Variants in MEI4 observed in about 807,000 individuals in gnomAD.
MEI4 encodes the protein meiotic double-stranded break formation protein 4, also known as meiosis-specific protein MEI4.
MEI4 carries 27 observed loss-of-function variants against 31.4 expected under a neutral mutation model. That is an observed-to-expected ratio of 0.86 (90% CI 0.63 to 1.19). MEI4 has a LOEUF of 1.19. MEI4 is among the 50% of genes most tolerant of loss of function. The pLI, the probability that MEI4 is intolerant of heterozygous loss-of-function variation, is 0.00. For synonymous variants in MEI4, 122 were observed against 145.4 expected (o/e 0.84, Z 1.16); for missense variants, 329 against 398.9 (o/e 0.82, Z 1.49).
At chr6:77,903,700 G>A (rs1298081796) in intron 4 of MEI4, among the ~76,000 whole-genome samples, 1 of 152,056 alleles carries the variant, frequency 6.6e-6, no homozygotes, top group Non-Finnish European at 1.5e-5. Flanking sequence ...TTTTGTGGAG[G>A]TACATCCCTT....
intron 4 of MEI4, among the ~76,000 whole-genome samples, chr6:77,919,793 G>A (rs181740927): frequency 0.27 from 38,252 of 144,084 alleles, 5,760 homozygotes; most frequent in South Asian, 0.33. Flanking sequence ...TCAAATAGAC[G>A]CAATAAAAAA....
At chr6:77,811,035 T>C (rs544758825) in intron 3 of MEI4, among the ~76,000 whole-genome samples, 6 of 152,220 alleles carry the variant, frequency 3.9e-5, no homozygotes. Context: ...AATTGCAGTC[T>C]AATTTTCTTT....
At position 77,721,899 on chromosome 6, in the gene MEI4, A is replaced by G. The variant is rs1303766182; in HGVS notation, c.232+30996A>G. Among the ~76,000 whole-genome samples, 8 of 123,958 alleles carry G rather than the reference A, an allele frequency of 6.5e-5. 1 individual carries two copies. Among genetic ancestry groups the G allele is most frequent in the Middle Eastern group, 4.1e-3 (1 of 244 alleles). 81.3% of individuals were successfully genotyped at this position (123,958 alleles called of 152,430 possible). A position where few individuals can be genotyped will look rare whatever the true frequency, so the allele number is the denominator to read the frequency against. On this transcript the variant is annotated intron_variant, in intron 2 of 4. Transcript: ENST00000684080. ...TTAATTTATCTTTCGTTTCTGCAGCACATAAAATATCATCAATATAATGAA... is the reference window on the plus strand; with the variant it reads ...TTAATTTATCTTTCGTTTCTGCAGCGCATAAAATATCATCAATATAATGAA...
intron 4 of MEI4, among the ~76,000 whole-genome samples, chr6:77,879,738 C>G (rs1216107722): frequency 6.6e-6 from 1 of 152,104 alleles, no homozygotes; most frequent in Non-Finnish European, 1.5e-5. Flanking sequence ...GGTATCTGTA[C>G]AAGGAGAACA....
At chr6:77,873,352 A>C (rs1213055491) in intron 4 of MEI4, among the ~76,000 whole-genome samples, 1 of 152,188 alleles carries the variant, frequency 6.6e-6, no homozygotes, top group Non-Finnish European at 1.5e-5. Flanking sequence ...TCTGATGGCC[A>C]GTGATGGTGA....
At chr6:77,671,277 C>G (rs930605654) in intron 1 of MEI4, among the ~76,000 whole-genome samples, 3 of 151,998 alleles carry the variant, frequency 2.0e-5, no homozygotes, top group Non-Finnish European at 4.4e-5. Context: ...CCAGGCTGGT[C>G]TCGAACTCCT....
chr6:77,925,348 T>A lies in MEI4; in HGVS notation c.*2002T>A, dbSNP rs1766818704. The A allele has an allele frequency of 6.6e-6, 1 of 151,854 alleles. No homozygotes were observed. The highest frequency in any genetic ancestry group is 2.4e-5 in the African/African-American group (1 of 41,394). The allele number at this position is 151,854 out of a possible 1,614,324, so 9.4% of individuals were successfully genotyped here. A position where few individuals can be genotyped will look rare whatever the true frequency, so the allele number is the denominator to read the frequency against. The stretch of plus-strand genomic sequence containing the variant: ...TTTGGTATCCATTTTATATAAACAT[T>A]TAACTTCCACCAAGTATATGATACT... On this transcript the variant is annotated 3_prime_UTR_variant, in exon 5 of 5. Transcript: ENST00000684080.
At chr6:77,675,909 T>C (rs1582012470) in intron 1 of MEI4, among the ~76,000 whole-genome samples, 1 of 152,326 alleles carries the variant, frequency 6.6e-6, no homozygotes, top group East Asian at 1.9e-4. Context: ...GCTATGGCTG[T>C]TCTCATGGCC....
chr6:77,923,585 A>T lies in MEI4; in HGVS notation c.*239A>T, dbSNP rs1307024064. 3 of 279,366 alleles carry T rather than the reference A, an allele frequency of 1.1e-5. No homozygotes were observed. The highest frequency in any genetic ancestry group is 2.0e-5 in the Non-Finnish European group (3 of 152,568). 17.3% of individuals were successfully genotyped at this position (279,366 alleles called of 1,614,324 possible). A position where few individuals can be genotyped will look rare whatever the true frequency, so the allele number is the denominator to read the frequency against. ...GCCATCCTTATTCCCATGTAACTGT[A>T]TCTTATTTCACTCAATATAGTTTAG... On this transcript the variant is annotated 3_prime_UTR_variant, in exon 5 of 5. Coordinates refer to ENST00000684080, the MANE Select transcript of MEI4 (RefSeq NM_001322247.2).
chr6:77,704,955 G>A (rs1459609404), intron 2 of MEI4, among the ~76,000 whole-genome samples: 1 of 152,132 alleles, frequency 6.6e-6, no homozygotes, highest in Admixed American at 6.6e-5. Context: ...ATTGAGCTGA[G>A]TGGCAGAAAT....
chr6:77,798,163 TA>T (rs1474561790), intron 3 of MEI4, among the ~76,000 whole-genome samples: 1 of 151,464 alleles, frequency 6.6e-6, no homozygotes, highest in Non-Finnish European at 1.5e-5. Flanking sequence ...ATCTAACTTA[TA>T]AATATAACTA....
chr6:77,786,254 G>T (rs1768733929), intron 3 of MEI4, among the ~76,000 whole-genome samples: 1 of 152,030 alleles, frequency 6.6e-6, no homozygotes, highest in Non-Finnish European at 1.5e-5. Flanking sequence ...GACTGTCATG[G>T]TAACAGCTGA....
chr6:77,893,433 A>T (rs1176358711), intron 4 of MEI4, among the ~76,000 whole-genome samples: 1 of 152,224 alleles, frequency 6.6e-6, no homozygotes, highest in African/African-American at 2.4e-5. Flanking sequence ...CTTCCTGTCA[A>T]CTATAACTCA....
intron 4 of MEI4, among the ~76,000 whole-genome samples, chr6:77,915,080 T>A (rs1766514522): frequency 6.6e-6 from 1 of 152,106 alleles, no homozygotes; most frequent in African/African-American, 2.4e-5. Flanking sequence ...TGTGATGGCT[T>A]ATTCCTGCCA....
intron 2 of MEI4, among the ~76,000 whole-genome samples, chr6:77,760,376 C>A (rs1768013906): frequency 6.6e-6 from 1 of 151,956 alleles, no homozygotes; most frequent in Non-Finnish European, 1.5e-5. Context: ...GTTGGAAATT[C>A]ACTCTGCACT....
At chr6:77,706,020 C>T (rs932701284) in intron 2 of MEI4, among the ~76,000 whole-genome samples, 5 of 152,104 alleles carry the variant, frequency 3.3e-5, no homozygotes, top group East Asian at 1.9e-4. Context: ...CTGAGGAACA[C>T]GAAGGGTCTC....
chr6:77,852,073 T>C lies in MEI4; in HGVS notation c.900+23011T>C, dbSNP rs188902354. Among the ~76,000 whole-genome samples, 55 of 152,326 alleles carry C rather than the reference T, an allele frequency of 3.6e-4. 1 individual carries two copies. The East Asian group carries it at 8.9e-3, about 25-fold the overall frequency. The stretch of plus-strand genomic sequence containing the variant: ...ATTTAATGTAAATATAATTAAACTA[T>C]TTTGTTTCCTTTCTGTAGAAATAAA... On this transcript the variant is annotated intron_variant, in intron 4 of 4. Coordinates refer to ENST00000684080, the MANE Select transcript of MEI4 (RefSeq NM_001322247.2).
At chr6:77,697,976 A>G (rs142030335) in intron 2 of MEI4, among the ~76,000 whole-genome samples, 22,587 of 152,076 alleles carry the variant, frequency 0.15, 1,812 homozygotes, top group East Asian at 0.27. Context: ...TATATTTAGG[A>G]TAGTTAGCTC....
chr6:77,807,171 T>A (rs1252789742), intron 3 of MEI4, among the ~76,000 whole-genome samples: 2 of 151,196 alleles, frequency 1.3e-5, no homozygotes, highest in East Asian at 3.9e-4. Context: ...TTCTTAAGAA[T>A]GGATGTGTGA....
Sources: allele counts gnomAD v4.1 joint callset (sites outside exome capture counted in the v4.1 genomes callset), GRCh38; gene constraint gnomAD v4.1.1; transcripts MANE v1.5; gene names NCBI Gene and HGNC (gene_info 2026-07-23, HGNC 2026-07-21).